RIC1: variants seen among roughly 807,000 people sequenced by gnomAD.
RIC1 encodes the protein RIC1 partner of RAB6A GEF complex, also known as guanine nucleotide exchange factor subunit RIC1.
A neutral mutation model predicts 169.0 loss-of-function variants in RIC1; 88 were observed. The observed-to-expected ratio is 0.52, with a 90% CI of 0.44 to 0.62. The LOEUF is 0.62. Among genes scored for constraint, RIC1 ranks in the 20% least tolerant of loss-of-function variants. The pLI, the probability that RIC1 is intolerant of heterozygous loss-of-function variation, is 0.00. For synonymous variants in RIC1, 790 were observed against 601.5 expected (o/e 1.31, Z -4.59); for missense variants, 1,877 against 1,725.5 (o/e 1.09, Z -1.56).
intron 2 of RIC1, among the ~76,000 whole-genome samples, chr9:5,666,812 A>G (rs1819798124): frequency 1.5e-5 from 1 of 68,004 alleles, no homozygotes; most frequent in South Asian, 6.6e-4. Context: ...ATTGATTACC[A>G]AAACTCAAGT....
intron 1 of RIC1, among the ~76,000 whole-genome samples, chr9:5,655,101 G>A (rs62557375): frequency 6.6e-6 from 1 of 151,996 alleles, no homozygotes; most frequent in African/African-American, 2.4e-5. Flanking sequence ...TGAATTAGCT[G>A]GGACTTCCAC....
In RIC1 at chr9:5,731,801, G is replaced by A. The variant is rs764686652; in HGVS notation, c.721-587G>A. Among the ~76,000 whole-genome samples, 127 of 152,100 alleles carry A rather than the reference G, an allele frequency of 8.3e-4. 2 individuals carry two copies. Among genetic ancestry groups the A allele is most frequent in the Non-Finnish European group, 1.0e-3 (71 of 67,972 alleles). ...TTGAAACACCCTGAGAGGTAAATAC[G>A]ATAAGAAAACTGAAGCTTAAAAAAG... On this transcript the variant is annotated intron_variant, in intron 6 of 25. Transcript: ENST00000414202.
chr9:5,680,744 T>C (rs1820769101), intron 2 of RIC1, among the ~76,000 whole-genome samples: 1 of 152,064 alleles, frequency 6.6e-6, no homozygotes, highest in Non-Finnish European at 1.5e-5. Context: ...TCCGTTTTCT[T>C]CTTTATTAGT....
chr9:5,652,463 A>G (rs914441319), intron 1 of RIC1, among the ~76,000 whole-genome samples: 1 of 151,968 alleles, frequency 6.6e-6, no homozygotes, highest in African/African-American at 2.4e-5. Context: ...TTTTATAGCT[A>G]TTAATAAGTG....
chr9:5,653,248 G>A (rs535515110), intron 1 of RIC1, among the ~76,000 whole-genome samples: 1 of 152,078 alleles, frequency 6.6e-6, no homozygotes, highest in South Asian at 2.1e-4. Flanking sequence ...ATATTTGTGT[G>A]TGTCTATTTC....
intron 6 of RIC1, among the ~76,000 whole-genome samples, chr9:5,721,086 T>G (rs1823559506): frequency 6.6e-6 from 1 of 152,234 alleles, no homozygotes; most frequent in South Asian, 2.1e-4. Context: ...GTTTATTGAC[T>G]TCTTACTGTT....
chr9:5,686,456 G>C (rs1273262772), intron 2 of RIC1, among the ~76,000 whole-genome samples: 3 of 152,184 alleles, frequency 2.0e-5, no homozygotes, highest in African/African-American at 7.2e-5. Flanking sequence ...CATAAAAAAT[G>C]ATGAGTTCAT....
intron 2 of RIC1, among the ~76,000 whole-genome samples, chr9:5,658,828 T>G (rs896821468): frequency 6.6e-6 from 1 of 151,806 alleles, no homozygotes. Flanking sequence ...TTTTTTTGTT[T>G]TTTTTTTTAC....
At position 5,754,940 on chromosome 9, in the gene RIC1, TTC is replaced by T. The variant is rs1825917670; in HGVS notation, c.1692+15_1692+16del. On this transcript the variant is annotated intron_variant, in intron 15 of 25. Coordinates refer to ENST00000414202, the MANE Select transcript of RIC1 (RefSeq NM_020829.4). The stretch of plus-strand genomic sequence containing the variant: ...TGACCGTCAAGAAGAGGTAAGTTTT[TTC>T]TCTCAGAAATAACAGATTTTTATAT... 1 of 1,482,408 alleles carries T rather than the reference TTC, an allele frequency of 6.7e-7. No homozygotes were observed. The highest frequency in any genetic ancestry group is 9.2e-7 in the Non-Finnish European group (1 of 1,091,396). The allele number at this position is 1,482,408 out of a possible 1,614,324, so 91.8% of individuals were successfully genotyped here.
At chr9:5,674,625 A>G (rs143402805) in intron 2 of RIC1, among the ~76,000 whole-genome samples, 299 of 152,334 alleles carry the variant, frequency 2.0e-3, no homozygotes, top group African/African-American at 6.6e-3. Flanking sequence ...TACCTACTCC[A>G]CAAGTAGCTA....
At chr9:5,636,097 A>G (rs1361976321) in intron 1 of RIC1, among the ~76,000 whole-genome samples, 1 of 152,188 alleles carries the variant, frequency 6.6e-6, no homozygotes, top group Non-Finnish European at 1.5e-5. Context: ...TGAAAATATC[A>G]TTGAAATTCT....
At chr9:5,741,389 C>A (rs1320680186) in intron 8 of RIC1, among the ~76,000 whole-genome samples, 1 of 152,166 alleles carries the variant, frequency 6.6e-6, no homozygotes, top group Admixed American at 6.5e-5. Context: ...CTGGAAAATT[C>A]TCAACCAGTA....
chr9:5,650,170 T>G (rs1040185663), intron 1 of RIC1, among the ~76,000 whole-genome samples: 10 of 152,100 alleles, frequency 6.6e-5, no homozygotes, highest in African/African-American at 2.4e-4. Context: ...TATGGCTTGC[T>G]TAGGTGCTGG....
At chr9:5,682,676 T>C (rs1820930234) in intron 2 of RIC1, among the ~76,000 whole-genome samples, 4 of 152,190 alleles carry the variant, frequency 2.6e-5, no homozygotes, top group Admixed American at 1.3e-4. Flanking sequence ...TGTGGCGTTC[T>C]CTGTATTTCC....
intron 1 of RIC1, among the ~76,000 whole-genome samples, chr9:5,636,335 T>C (rs952373598): frequency 6.6e-6 from 1 of 152,222 alleles, no homozygotes; most frequent in African/African-American, 2.4e-5. Flanking sequence ...TTCTGTTTTT[T>C]TTAGACAAAG....
At chr9:5,744,715 A>T (rs1825280409) in intron 10 of RIC1, among the ~76,000 whole-genome samples, 1 of 152,150 alleles carries the variant, frequency 6.6e-6, no homozygotes, top group Non-Finnish European at 1.5e-5. Context: ...AGCCCTCAAA[A>T]AGTTGCAGCT....
At chr9:5,773,254 T>A (rs1827354024) in intron 25 of RIC1, 174 bp downstream of exon 25, 1 of 242,224 alleles carries the variant, frequency 4.1e-6, no homozygotes, top group Non-Finnish European at 7.6e-6. Context: ...TATACCCAGC[T>A]ATTTAAATGG....
intron 8 of RIC1, among the ~76,000 whole-genome samples, chr9:5,742,080 A>C (rs1049921521): frequency 5.3e-5 from 8 of 152,174 alleles, no homozygotes; most frequent in Admixed American, 3.3e-4. Flanking sequence ...ATTATTTTCC[A>C]TTCACTTCCA....
In RIC1 at chr9:5,694,398, A is replaced by T. The variant is rs1164384559; in HGVS notation, c.332+4360A>T. On this transcript the variant is annotated intron_variant, in intron 3 of 25. Transcript: ENST00000414202. ...TTTCTAATAATAAACCTTGTTCTAC[A>T]TTCAGTTTATAAACTTGACAAAGTA... 2.0e-5 allele frequency among the ~76,000 whole-genome samples: 3 copies of T among 152,216 alleles called. No individual in the cohort carries two copies. In the South Asian group the frequency reaches 6.2e-4, roughly 32 times the overall value.
Sources: allele counts gnomAD v4.1 joint callset (sites outside exome capture counted in the v4.1 genomes callset), GRCh38; gene constraint gnomAD v4.1.1; transcripts MANE v1.5; gene names NCBI Gene and HGNC (gene_info 2026-07-23, HGNC 2026-07-21).